Variants in DGKA observed in about 807,000 individuals in gnomAD.
DGKA encodes the protein diacylglycerol kinase alpha.
In DGKA, 35 loss-of-function variants were observed where a neutral mutation model predicts 105.0. The observed-to-expected ratio is 0.33, with a 90% CI of 0.25 to 0.44. The LOEUF is 0.44. DGKA is among the 20% of genes least tolerant of loss of function. The pLI is 1.00. For missense variants in DGKA, 665 were observed against 915.0 expected, an observed-to-expected ratio of 0.73 and a Z score of 3.53; for synonymous variants, 296 against 332.0, an observed-to-expected ratio of 0.89 and a Z score of 1.18.
chr12:55,940,362 G>T lies in DGKA; in HGVS notation c.847G>T (p.Asp283Tyr). ...AGGAGGCTGTGAGTCCGGGCGCTGCGACCGCTGTCAGAAAAAGATCCGGAT... is the reference window on the plus strand; with the variant it reads ...AGGAGGCTGTGAGTCCGGGCGCTGCTACCGCTGTCAGAAAAAGATCCGGAT... ...VRGGCESGRC[D>Y]RCQKKIRIYH... is the part of the protein sequence containing the mutation. The change falls in exon 11 of 24, where the codon GAC becomes TAC. Residue 283 changes from aspartate (D) to tyrosine (Y), a missense_variant. Physicochemically the swap from Asp to Tyr is radical, Grantham distance 160 (BLOSUM62 -3). Coordinates refer to ENST00000331886, the MANE Select transcript of DGKA (RefSeq NM_001345.5). The surrounding 1 kb of genome is among the most constrained non-coding windows in gnomAD (Gnocchi z 4.3). 2 of 1,614,148 alleles carry T rather than the reference G, an allele frequency of 1.2e-6. No individual in the cohort carries two copies. Among genetic ancestry groups the T allele is most frequent in the South Asian group, 2.2e-5 (2 of 91,066 alleles).
intron 17 of DGKA, among the ~76,000 whole-genome samples, chr12:55,947,840 G>A (rs951815410): frequency 5.3e-5 from 8 of 152,150 alleles, no homozygotes; most frequent in African/African-American, 1.9e-4. Context: ...ACCCAGGCTG[G>A]AGTGCTATAG....
Position 55,932,333 on chromosome 12 carries a change from A to G in DGKA, c.-82+989A>G. On this transcript the variant is annotated intron_variant, in intron 1 of 23. Transcript: ENST00000331886. This position sits in a 1 kb window ranked among gnomAD's most constrained non-coding sequence, Gnocchi z 4.3. ...CCGAACCCGGTGGGTAACGTTTCCC[A>G]GACCTTCCCCTCCATCCCTCCCGCT... is the stretch of plus-strand genomic sequence containing the variant. 2 of 572,784 alleles carry G rather than the reference A, an allele frequency of 3.5e-6. No homozygotes were observed. The highest frequency in any genetic ancestry group is 6.3e-6 in the Non-Finnish European group (2 of 319,518). The allele number at this position is 572,784 out of a possible 1,614,324, so 35.5% of individuals were successfully genotyped here. A position where few individuals can be genotyped will look rare whatever the true frequency, so the allele number is the denominator to read the frequency against.
In DGKA at chr12:55,953,163, A is replaced by G. The variant is rs1182017752; in HGVS notation, c.2063+3A>G. The G allele has an allele frequency of 1.9e-6, 3 of 1,613,956 alleles. No individual in the cohort carries two copies. Among genetic ancestry groups the G allele is most frequent in the Non-Finnish European group, 2.5e-6 (3 of 1,180,014 alleles). On this transcript the variant is annotated splice_donor_region_variant and intron_variant, in intron 22 of 23. Transcript: ENST00000331886. ...AAGTGCTCTGAGATCACCTTCCAGT[A>G]AGGAAGACTCCACCAGGGTCCCTGA...
upstream of DGKA, among the ~76,000 whole-genome samples, chr12:55,928,526 A>G (rs571219113): frequency 1.8e-4 from 27 of 151,846 alleles, no homozygotes; most frequent in Non-Finnish European, 2.6e-4. Context: ...AAATACAAAA[A>G]AATTAGCCGG....
intron 17 of DGKA, 75 bp downstream of exon 17, chr12:55,942,338 C>A: frequency 1.5e-6 from 2 of 1,373,634 alleles, no homozygotes; most frequent in Middle Eastern, 2.0e-4. Context: ...AGAGAAGAAA[C>A]TAGGCATCTG....
At chr12:55,938,337 G>T in intron 5 of DGKA, 174 bp from the exon 6 acceptor site, 1 of 824,934 alleles carries the variant, frequency 1.2e-6, no homozygotes, top group Non-Finnish European at 2.0e-6. Flanking sequence ...TTCACTGAGG[G>T]TAGAGTCCAT....
intron 7 of DGKA, 57 bp downstream of exon 7, chr12:55,939,046 C>T: frequency 6.2e-7 from 1 of 1,610,972 alleles, no homozygotes; most frequent in Non-Finnish European, 8.5e-7. Flanking sequence ...GTGAGTCCTG[C>T]ATCTGCCTTA....
intron 6 of DGKA, 153 bp downstream of exon 6, chr12:55,938,713 C>G (rs1402411881): frequency 1.3e-6 from 2 of 1,560,888 alleles, no homozygotes; most frequent in Middle Eastern, 1.7e-4. Flanking sequence ...GTCCCAAGCT[C>G]TTGACCCCTC....
chr12:55,942,771 T>C lies in DGKA; in HGVS notation c.1426+508T>C, dbSNP rs201936072. The C allele has an allele frequency of 1.6e-5, 3 of 188,432 alleles. No individual in the cohort carries two copies. In the East Asian group the frequency reaches 3.7e-4, roughly 23 times the overall value. 11.7% of individuals were successfully genotyped at this position (188,432 alleles called of 1,614,324 possible). ...AACAGAAGGAGTTTGAGGGATGGTA[T>C]TGGTAGATAAAGAGGTCAGTGTAGG... is the stretch of plus-strand genomic sequence containing the variant. On this transcript the variant is annotated intron_variant, in intron 17 of 23. Coordinates refer to ENST00000331886, the MANE Select transcript of DGKA (RefSeq NM_001345.5).
At chr12:55,928,613 G>A (rs1883243890), upstream of DGKA, among the ~76,000 whole-genome samples, 1 of 137,868 alleles carries the variant, frequency 7.3e-6, no homozygotes, top group Non-Finnish European at 1.5e-5. Context: ...GGAGGCGGAG[G>A]TTGCAGTGAG....
Position 55,952,246 on chromosome 12 carries a change from T to C in DGKA, c.1653-95T>C, listed in dbSNP as rs1383652322. On this transcript the variant is annotated intron_variant, in intron 19 of 23. Coordinates refer to ENST00000331886, the MANE Select transcript of DGKA (RefSeq NM_001345.5). This position sits in a 1 kb window ranked among gnomAD's most constrained non-coding sequence, Gnocchi z 5.1. ...ACCCTTGTTCCCCATGGGACTAAAG[T>C]TAGGAGGTTGATGCCCTTCCCTGTC... is the stretch of plus-strand genomic sequence containing the variant. The C allele has an allele frequency of 6.7e-6, 10 of 1,499,356 alleles. No homozygotes were observed. Among genetic ancestry groups the C allele is most frequent in the Non-Finnish European group, 9.3e-6 (10 of 1,076,832 alleles). The allele number at this position is 1,499,356 out of a possible 1,614,324, so 92.9% of individuals were successfully genotyped here.
intron 1 of DGKA, among the ~76,000 whole-genome samples, chr12:55,934,322 C>A (rs1884235396): frequency 6.6e-6 from 1 of 152,126 alleles, no homozygotes. Flanking sequence ...GCTATAGAGG[C>A]CCCATTAGCC....
intron 13 of DGKA, 103 bp downstream of exon 13, chr12:55,941,083 G>A: frequency 7.1e-7 from 1 of 1,400,226 alleles, no homozygotes; most frequent in South Asian, 1.3e-5. Context: ...AGCGGTTGAT[G>A]CTCACTCTCC....
chr12:55,948,681 C>A (rs1887542140), intron 17 of DGKA, among the ~76,000 whole-genome samples: 1 of 150,406 alleles, frequency 6.6e-6, no homozygotes, highest in African/African-American at 2.5e-5. Flanking sequence ...TGAGCCAGTG[C>A]ACTCCAGCTT....
At chr12:55,927,448 C>T (rs577062885), upstream of DGKA, 1 of 697,112 alleles carries the variant, frequency 1.4e-6, no homozygotes, top group African/African-American at 1.8e-5. Context: ...GCAAGGCCCA[C>T]CTGCACCCAA....
Position 55,941,135 on chromosome 12 carries a change from G to A in DGKA, c.1102-117G>A. On this transcript the variant is annotated intron_variant, in intron 13 of 23. Coordinates refer to ENST00000331886, the MANE Select transcript of DGKA (RefSeq NM_001345.5). ...TAGGGGAGGGAAGGGGAGGGAAACA[G>A]GAGGGAGGGGGGAAATATCTTGGTG... 2.2e-6 allele frequency: 3 copies of A among 1,367,398 alleles called. No individual in the cohort carries two copies. In the South Asian group the frequency reaches 4.0e-5, roughly 18 times the overall value. 84.7% of individuals were successfully genotyped at this position (1,367,398 alleles called of 1,614,324 possible).
At position 55,952,176 on chromosome 12, in the gene DGKA, T is replaced by C; in HGVS notation, c.1652+77T>C. 6.3e-7 allele frequency: 1 copy of C among 1,592,082 alleles called. No homozygotes were observed. Among genetic ancestry groups the C allele is most frequent in the African/African-American group, 1.3e-5 (1 of 74,552 alleles). On this transcript the variant is annotated intron_variant, in intron 19 of 23. Transcript: ENST00000331886. The surrounding 1 kb of genome is among the most constrained non-coding windows in gnomAD (Gnocchi z 5.1). ...TTTGACCAAGTTTGACTCAGATTGC[T>C]CAGAAGAACAGTGGCACCTCTAGGA...
At position 55,940,777 on chromosome 12, in the gene DGKA, C is replaced by G. The variant is rs1885773701; in HGVS notation, c.1017+55C>G. 6.2e-7 allele frequency: 1 copy of G among 1,603,922 alleles called. No individual in the cohort carries two copies. The highest frequency in any genetic ancestry group is 8.5e-7 in the Non-Finnish European group (1 of 1,170,902). On this transcript the variant is annotated intron_variant, in intron 12 of 23. Transcript: ENST00000331886. The surrounding 1 kb of genome is among the most constrained non-coding windows in gnomAD (Gnocchi z 4.3). ...ACAGGAGTGCCTCCCCGATTTCCCA[C>G]ACGCACAGAGTGGCATTTAGAATAG...
chr12:55,937,950 G>A, intron 4 of DGKA, 28 bp from the exon 5 acceptor site: 1 of 1,607,562 alleles, frequency 6.2e-7, no homozygotes, highest in Non-Finnish European at 8.5e-7. Flanking sequence ...AGGGAGCCCT[G>A]ACTTCTGATC....
Sources: gnomAD v4.1 joint callset for allele counts (sites outside exome capture counted in the v4.1 genomes callset) on GRCh38, gnomAD v4.1.1 for gene constraint, Gnocchi (gnomAD v3.1) non-coding constraint, MANE v1.5 for transcripts, NCBI Gene and HGNC (gene_info 2026-07-23, HGNC 2026-07-21) for gene names.